Variants in MYO18A observed in about 807,000 individuals in gnomAD.
MYO18A encodes the protein myosin XVIIIA.
Under a neutral mutation model 235.8 loss-of-function variants are expected in MYO18A, and 78 were observed. The observed-to-expected ratio is 0.33, with a 90% CI of 0.28 to 0.40. The LOEUF (loss-of-function observed/expected upper bound fraction) is 0.40. Ranked by LOEUF, MYO18A falls within the 10% of genes least tolerant of loss-of-function variation. The pLI, the probability that MYO18A is intolerant of heterozygous loss-of-function variation, is 1.00. For missense variants in MYO18A, 2,215 were observed against 2,699.3 expected, an observed-to-expected ratio of 0.82 and a Z score of 3.98; for synonymous variants, 977 against 1,077.8, an observed-to-expected ratio of 0.91 and a Z score of 1.83.
chr17:29,086,747 C>T, intron 38 of MYO18A, 170 bp from the exon 39 acceptor site: 1 of 1,142,962 alleles, frequency 8.7e-7, no homozygotes, highest in Non-Finnish European at 1.2e-6. Context: ...GTCCAAGCCT[C>T]ATCTGAGGGA....
At chr17:29,119,919 A>T (rs1437027241) in intron 7 of MYO18A, among the ~76,000 whole-genome samples, 2 of 151,910 alleles carry the variant, frequency 1.3e-5, no homozygotes, top group Non-Finnish European at 2.9e-5. Context: ...TCTGTTGCCC[A>T]GGCTGGAGTG....
chr17:29,115,452 G>A lies in MYO18A; in HGVS notation c.2228-11C>T, dbSNP rs967362912. On this transcript the variant is annotated splice_polypyrimidine_tract_variant and intron_variant, in intron 12 of 41. Transcript: ENST00000527372. ...CACTCAGTTTCGGGCCTGTGGGGCAGGGGGAGCAGCGCTATCTCCTTCTCC... is the reference window on the plus strand; with the variant it reads ...CACTCAGTTTCGGGCCTGTGGGGCAAGGGGAGCAGCGCTATCTCCTTCTCC... The A allele has an allele frequency of 1.9e-6, 3 of 1,612,034 alleles. No homozygotes were observed. The highest frequency in any genetic ancestry group is 2.2e-5 in the South Asian group (2 of 90,774).
At chr17:29,082,823 C>G (rs2066153893) in intron 40 of MYO18A, among the ~76,000 whole-genome samples, 1 of 152,236 alleles carries the variant, frequency 6.6e-6, no homozygotes, top group Non-Finnish European at 1.5e-5. Flanking sequence ...GAGGCCTACT[C>G]TGCTGTTTCT....
chr17:29,159,107 G>A (rs2068119321), intron 2 of MYO18A, among the ~76,000 whole-genome samples: 1 of 152,146 alleles, frequency 6.6e-6, no homozygotes, highest in African/African-American at 2.4e-5. Flanking sequence ...ACCACCCACA[G>A]GCTGGATGGC....
intron 2 of MYO18A, among the ~76,000 whole-genome samples, chr17:29,164,651 G>A (rs1048514860): frequency 5.3e-5 from 8 of 152,178 alleles, no homozygotes; most frequent in Non-Finnish European, 7.3e-5. Flanking sequence ...AGATCTGGAC[G>A]GTCCTAAAAC....
intron 20 of MYO18A, among the ~76,000 whole-genome samples, chr17:29,104,895 G>A (rs1219480520): frequency 6.6e-6 from 1 of 152,072 alleles, no homozygotes; most frequent in African/African-American, 2.4e-5. Context: ...TAAAGTGCCA[G>A]TTGGGCCAGG....
At chr17:29,115,130 G>C (rs369609891) in intron 13 of MYO18A, 31 bp from the exon 14 acceptor site, 4 of 1,586,534 alleles carry the variant, frequency 2.5e-6, no homozygotes, top group East Asian at 2.3e-5. Flanking sequence ...TCAGAGCCTC[G>C]CTGGTTGGCC....
chr17:29,082,168 C>T lies in MYO18A; in HGVS notation c.6020+148G>A, dbSNP rs2066137730. On this transcript the variant is annotated intron_variant, in intron 41 of 41. Transcript: ENST00000527372. ...CCTGGCTAAGAAGAAACTTCCTGTGCCCATGCACATGCCAGAAGCATGCCC... is the reference window on the plus strand; with the variant it reads ...CCTGGCTAAGAAGAAACTTCCTGTGTCCATGCACATGCCAGAAGCATGCCC... The T allele has an allele frequency of 2.9e-6, 3 of 1,032,690 alleles. No homozygotes were observed. In the Admixed American group the frequency reaches 6.6e-5, roughly 23 times the overall value. The allele number at this position is 1,032,690 out of a possible 1,614,324, so 64.0% of individuals were successfully genotyped here. A position where few individuals can be genotyped will look rare whatever the true frequency, so the allele number is the denominator to read the frequency against.
At chr17:29,148,668 T>C (rs1024055196) in intron 2 of MYO18A, among the ~76,000 whole-genome samples, 3 of 151,740 alleles carry the variant, frequency 2.0e-5, no homozygotes, top group African/African-American at 4.8e-5. Flanking sequence ...GAGACAGCGA[T>C]TGGTATTGAG....
Position 29,120,550 on chromosome 17 carries a change from G to C in MYO18A, c.1728+66C>G. The C allele has an allele frequency of 1.2e-5, 18 of 1,549,948 alleles. No individual in the cohort carries two copies. Among genetic ancestry groups the C allele is most frequent in the Non-Finnish European group, 1.5e-5 (17 of 1,145,200 alleles). ...GAAAATGAGGCATGGGAGAGAGCCT[G>C]ATGTCTAGGTCATGAAATCATGTGG... On this transcript the variant is annotated intron_variant, in intron 7 of 41. Transcript: ENST00000527372. The surrounding 1 kb of genome is among the most constrained non-coding windows in gnomAD (Gnocchi z 4.2).
At chr17:29,110,745 T>C (rs1299383941) in intron 17 of MYO18A, 123 bp from the exon 18 acceptor site, 2 of 946,786 alleles carry the variant, frequency 2.1e-6, no homozygotes, top group African/African-American at 3.3e-5. Context: ...GGGGCCTGGC[T>C]ACCTGAACTG....
At chr17:29,128,347 C>T (rs1334664012) in intron 2 of MYO18A, 2 of 1,278,368 alleles carry the variant, frequency 1.6e-6, no homozygotes, top group Admixed American at 4.7e-5. Context: ...CCACCTTCCT[C>T]ACTGCATTTG....
rs1410061236 is a variant in MYO18A at position 29,072,967 on chromosome 17, T to G, written c.*1803A>C. The stretch of plus-strand genomic sequence containing the variant: ...CACTCCCAACCTATTCACATTGCCC[T>G]GTGGGCCCGAGCTAGTTCTGCCAAG... On this transcript the variant is annotated 3_prime_UTR_variant, in exon 42 of 42. Coordinates refer to ENST00000527372, the MANE Select transcript of MYO18A (RefSeq NM_078471.4). The G allele has an allele frequency of 6.6e-6, 1 of 152,206 alleles. No individual in the cohort carries two copies. The highest frequency in any genetic ancestry group is 2.4e-5 in the African/African-American group (1 of 41,432). 9.4% of individuals were successfully genotyped at this position (152,206 alleles called of 1,614,324 possible).
chr17:29,144,159 G>A (rs1256047809), intron 2 of MYO18A, among the ~76,000 whole-genome samples: 1 of 152,162 alleles, frequency 6.6e-6, no homozygotes, highest in Non-Finnish European at 1.5e-5. Context: ...TCTTTGATGA[G>A]TCTAACTGAT....
intron 15 of MYO18A, 148 bp from the exon 16 acceptor site, chr17:29,112,011 T>A: frequency 9.5e-7 from 1 of 1,056,998 alleles, no homozygotes; most frequent in Non-Finnish European, 1.3e-6. Context: ...CGCTCACTGC[T>A]GACACCTTGT....
At chr17:29,104,707 G>A (rs2066738745) in intron 20 of MYO18A, among the ~76,000 whole-genome samples, 2 of 152,218 alleles carry the variant, frequency 1.3e-5, no homozygotes, top group Non-Finnish European at 2.9e-5. Flanking sequence ...TATGGCCAAG[G>A]ACAGAGTCCT....
At chr17:29,085,003 G>A (rs75101756) in intron 40 of MYO18A, among the ~76,000 whole-genome samples, 184 of 152,254 alleles carry the variant, frequency 1.2e-3, no homozygotes, top group African/African-American at 4.3e-3. Flanking sequence ...CCACGGTACC[G>A]CAGGGAGTAA....
intron 2 of MYO18A, among the ~76,000 whole-genome samples, chr17:29,156,185 AG>A (rs1476985468): frequency 6.6e-6 from 1 of 152,216 alleles, no homozygotes; most frequent in Admixed American, 6.5e-5. Flanking sequence ...AAGGCAGTTC[AG>A]GGAGAGCAGC....
chr17:29,128,828 A>G (rs2067389813), intron 2 of MYO18A, among the ~76,000 whole-genome samples: 1 of 152,182 alleles, frequency 6.6e-6, no homozygotes, highest in Non-Finnish European at 1.5e-5. Context: ...TGGACCTGTG[A>G]GATGCCGGCA....
Sources: gnomAD v4.1 joint callset for allele counts (sites outside exome capture counted in the v4.1 genomes callset) on GRCh38, gnomAD v4.1.1 for gene constraint, Gnocchi (gnomAD v3.1) non-coding constraint, MANE v1.5 for transcripts, NCBI Gene and HGNC (gene_info 2026-07-23, HGNC 2026-07-21) for gene names.